The following PTPRS variants were observed in gnomAD, a reference collection of about 807,000 sequenced individuals.
PTPRS encodes receptor-type tyrosine-protein phosphatase S.
Under a neutral mutation model 215.3 loss-of-function variants are expected in PTPRS, and 63 were observed. That is an observed-to-expected ratio of 0.29 (90% CI 0.24 to 0.36). PTPRS has a LOEUF of 0.36. PTPRS is among the 10% of genes least tolerant of loss of function. The pLI is 1.00. For synonymous variants in PTPRS, 1,404 were observed against 1,191.4 expected (o/e 1.18, Z -3.68); for missense variants, 2,258 against 2,825.8 (o/e 0.80, Z 4.56).
Position 5,270,570 on chromosome 19 carries a change from GA to G in PTPRS, c.379+2871del, listed in dbSNP as rs573988967. On this transcript the variant is annotated intron_variant, in intron 4 of 37. Transcript: ENST00000262963. Reference sequence around the variant, plus strand: ...AGTGATCCTCTTGACTTGGCCTCCCGAAGTGTTGGCATTACAGGTGTGAGCC... The same window carrying G: ...AGTGATCCTCTTGACTTGGCCTCCCGAGTGTTGGCATTACAGGTGTGAGCC... 4.6e-5 allele frequency among the ~76,000 whole-genome samples: 7 copies of G among 152,182 alleles called. No individual in the cohort carries two copies. The East Asian group carries it at 1.4e-3, about 29-fold the overall frequency.
At chr19:5,302,901 CAAAA>C (rs61244607) in intron 1 of PTPRS, among the ~76,000 whole-genome samples, 4 of 112,578 alleles carry the variant, frequency 3.6e-5, no homozygotes, top group East Asian at 2.9e-4. Context: ...ACTAAAAATA[CAAAA>C]AAAAAAAAAA....
intron 18 of PTPRS, among the ~76,000 whole-genome samples, chr19:5,222,468 G>A (rs760374756): frequency 0.028 from 4,275 of 150,568 alleles, 108 homozygotes; most frequent in Middle Eastern, 0.088. Context: ...GAAGAGGGGG[G>A]AGGGGAGCAA....
chr19:5,308,649 G>A (rs115249042), intron 1 of PTPRS, among the ~76,000 whole-genome samples: 1,605 of 152,320 alleles, frequency 0.011, 20 homozygotes, highest in African/African-American at 0.037. Flanking sequence ...CTCACGTTCA[G>A]CAGTGGGGGA....
chr19:5,320,199 G>A (rs377529535), intron 1 of PTPRS, among the ~76,000 whole-genome samples: 9 of 152,182 alleles, frequency 5.9e-5, no homozygotes, highest in East Asian at 1.9e-4. Context: ...GCCATCCGGC[G>A]GCTCAACACC....
At chr19:5,284,495 T>C (rs2048167805) in intron 2 of PTPRS, among the ~76,000 whole-genome samples, 1 of 152,158 alleles carries the variant, frequency 6.6e-6, no homozygotes, top group African/African-American at 2.4e-5. Flanking sequence ...TCAGCCCATC[T>C]TTCTTTTTTT....
In PTPRS at chr19:5,237,878, G is replaced by A. The variant is rs1003293480; in HGVS notation, c.1849+1041C>T. Among the ~76,000 whole-genome samples the A allele has an allele frequency of 2.0e-5, 3 of 152,110 alleles. No homozygotes were observed. Among genetic ancestry groups the A allele is most frequent in the African/African-American group, 7.2e-5 (3 of 41,434 alleles). ...GGGGCAGGGGGGTTGTGTCTCCGAG[G>A]CGCCCCACCCCCCCGATCCCAGCGG... On this transcript the variant is annotated intron_variant, in intron 13 of 37. Coordinates refer to ENST00000262963, the MANE Select transcript of PTPRS (RefSeq NM_002850.4). This position sits in a 1 kb window ranked among gnomAD's most constrained non-coding sequence, Gnocchi z 4.2.
At chr19:5,275,193 C>T (rs1182950416) in intron 2 of PTPRS, among the ~76,000 whole-genome samples, 1 of 151,706 alleles carries the variant, frequency 6.6e-6, no homozygotes, top group African/African-American at 2.4e-5. Flanking sequence ...GCCTCAGCCT[C>T]CCGAGTAGCT....
chr19:5,322,561 C>A (rs992301183), intron 1 of PTPRS, among the ~76,000 whole-genome samples: 3 of 152,102 alleles, frequency 2.0e-5, no homozygotes, highest in African/African-American at 7.2e-5. Context: ...ACCTGCTCCC[C>A]GCAAGCACTG....
At chr19:5,319,867 C>G (rs1156464219) in intron 1 of PTPRS, among the ~76,000 whole-genome samples, 3 of 152,178 alleles carry the variant, frequency 2.0e-5, no homozygotes, top group Admixed American at 2.0e-4. Context: ...AAATGACAAC[C>G]CTCATGCCTC....
intron 13 of PTPRS, among the ~76,000 whole-genome samples, chr19:5,236,992 G>A (rs1599590116): frequency 1.3e-5 from 2 of 152,034 alleles, no homozygotes; most frequent in African/African-American, 4.8e-5. Flanking sequence ...CTTAATAAAA[G>A]AAAGAAAGAC....
At chr19:5,282,182 C>T (rs2047909131) in intron 2 of PTPRS, among the ~76,000 whole-genome samples, 1 of 152,064 alleles carries the variant, frequency 6.6e-6, no homozygotes. Flanking sequence ...ACTGCCTGCT[C>T]TCGGATTTGG....
rs897254693 is a variant in PTPRS at position 5,293,104 on chromosome 19, G to C, written c.-94-6870C>G. 2 of 151,792 alleles carry C rather than the reference G, an allele frequency of 1.3e-5. No individual in the cohort carries two copies. The highest frequency in any genetic ancestry group is 4.8e-5 in the African/African-American group (2 of 41,356). The allele number at this position is 151,792 out of a possible 1,614,324, so 9.4% of individuals were successfully genotyped here. A position where few individuals can be genotyped will look rare whatever the true frequency, so the allele number is the denominator to read the frequency against. The stretch of plus-strand genomic sequence containing the variant: ...AGAGAGACAAAGCCCGGGGCGGCCC[G>C]GGCCTCGGGGTGGAAGGGGGTCCCG... On this transcript the variant is annotated intron_variant, in intron 1 of 37. Transcript: ENST00000262963. This position sits in a 1 kb window ranked among gnomAD's most constrained non-coding sequence, Gnocchi z 8.4.
intron 13 of PTPRS, among the ~76,000 whole-genome samples, chr19:5,232,483 GA>G (rs2145695490): frequency 6.6e-6 from 1 of 151,640 alleles, no homozygotes; most frequent in African/African-American, 2.4e-5. Flanking sequence ...ATGCCAAGGG[GA>G]ACAGCAATAG....
In PTPRS at chr19:5,244,142, C is replaced by T; in HGVS notation, c.1329G>A (p.Met443Ile). The T allele has an allele frequency of 1.2e-6, 2 of 1,604,116 alleles. No homozygotes were observed. The highest frequency in any genetic ancestry group is 1.7e-6 in the Non-Finnish European group (2 of 1,175,666). ...CCACCGGCTCCTCCCACTGCACAAT[C>T]ATGGTGGTCGCGCTGAGCATCCGGG... ...VQARMLSATT[M>I]IVQWEEPVEP... is the part of the protein sequence containing the mutation. Residue 443 changes from methionine (M) to isoleucine (I), a missense_variant, in exon 11 of 38, where the codon ATG becomes ATA. This residue lies in a region of PTPRS where 508 missense variants were observed against 799.4 expected (regional missense o/e 0.64). Transcript: ENST00000262963. The surrounding 1 kb of genome is among the most constrained non-coding windows in gnomAD (Gnocchi z 7.2).
intron 1 of PTPRS, among the ~76,000 whole-genome samples, chr19:5,299,762 C>T (rs1324538988): frequency 6.6e-6 from 1 of 152,066 alleles, no homozygotes; most frequent in African/African-American, 2.4e-5. Context: ...ATCCCAGCTA[C>T]TCGGGGCTGA....
intron 1 of PTPRS, among the ~76,000 whole-genome samples, chr19:5,327,226 C>T (rs1348826972): frequency 6.6e-6 from 1 of 152,228 alleles, no homozygotes; most frequent in Admixed American, 6.5e-5. Flanking sequence ...TCCCCAGCGC[C>T]CCCAAGCCCC....
intron 9 of PTPRS, among the ~76,000 whole-genome samples, chr19:5,252,215 T>TA (rs2045160150): frequency 6.6e-6 from 1 of 152,080 alleles, no homozygotes; most frequent in African/African-American, 2.4e-5. Context: ...GACTCTGCGT[T>TA]AAATTATGCC....
Position 5,212,703 on chromosome 19 carries a change from C to T in PTPRS, c.4615-212G>A, listed in dbSNP as rs978108756. Among the ~76,000 whole-genome samples, 4 of 152,146 alleles carry T rather than the reference C, an allele frequency of 2.6e-5. No homozygotes were observed. The East Asian group carries it at 7.7e-4, about 29-fold the overall frequency. ...AACTAAAAATACAAAATTAGCTAGG[C>T]ATGGTGGTGCATGCCTGTAATCTCA... is the stretch of plus-strand genomic sequence containing the variant. On this transcript the variant is annotated intron_variant, in intron 30 of 37. Transcript: ENST00000262963.
chr19:5,274,202 A>C lies in PTPRS; in HGVS notation c.234T>G (p.Phe78Leu). Reference sequence around the variant, plus strand: ...GCCTCCCCCTACCCCAACTCACCTCAAAGCGCTGAGAGTTGACCTTCTTGC... The same window carrying C: ...GCCTCCCCCTACCCCAACTCACCTCCAAGCGCTGAGAGTTGACCTTCTTGC... ...KKGKKVNSQR[F>L]ETIEFDESAG... is the part of the protein sequence containing the mutation. The change falls in exon 3 of 38, where the codon TTT becomes TTG. Residue 78 changes from phenylalanine to leucine, a missense_variant. Transcript: ENST00000262963. 1 of 1,612,572 alleles carries C rather than the reference A, an allele frequency of 6.2e-7. No individual in the cohort carries two copies. The highest frequency in any genetic ancestry group is 8.5e-7 in the Non-Finnish European group (1 of 1,178,772).
Sources: allele counts gnomAD v4.1 joint callset (sites outside exome capture counted in the v4.1 genomes callset), GRCh38; gene constraint gnomAD v4.1.1; regional missense constraint gnomAD v4.1.1; non-coding constraint Gnocchi (gnomAD v3.1); transcripts MANE v1.5; gene names NCBI Gene and HGNC (gene_info 2026-07-23, HGNC 2026-07-21).